The following CEMIP variants were observed in gnomAD, a reference collection of about 807,000 sequenced individuals.
The protein encoded by CEMIP is cell migration-inducing and hyaluronan-binding protein.
Under a neutral mutation model 156.9 loss-of-function variants are expected in CEMIP, and 105 were observed. That is an observed-to-expected ratio of 0.67 (90% CI 0.57 to 0.79). The LOEUF (loss-of-function observed/expected upper bound fraction) is 0.79, where lower values mean the gene tolerates loss of function less well. Among genes scored for constraint, CEMIP ranks in the 30% least tolerant of loss-of-function variants. The probability of loss-of-function intolerance (pLI) is 0.00; values close to 1 mark genes in which losing one functional copy is unlikely to be tolerated. For synonymous variants in CEMIP, 676 were observed against 668.4 expected, an observed-to-expected ratio of 1.01 and a Z score of -0.17; for missense variants, 1,457 against 1,769.4, an observed-to-expected ratio of 0.82 and a Z score of 3.17.
intron 1 of CEMIP, among the ~76,000 whole-genome samples, chr15:80,810,398 C>G (rs185255980): frequency 2.6e-5 from 4 of 152,170 alleles, no homozygotes; most frequent in Non-Finnish European, 5.9e-5. Context: ...GACGGAGTCT[C>G]ACTCTGTCAC....
At chr15:80,852,456 G>A (rs1238573808) in intron 1 of CEMIP, among the ~76,000 whole-genome samples, 1 of 152,006 alleles carries the variant, frequency 6.6e-6, no homozygotes. Flanking sequence ...TATTATTCTA[G>A]GTTGGTGCAA....
At chr15:80,789,880 T>C (rs1896035508) in intron 1 of CEMIP, among the ~76,000 whole-genome samples, 1 of 152,262 alleles carries the variant, frequency 6.6e-6, no homozygotes, top group Non-Finnish European at 1.5e-5. Context: ...AAAAAGATGA[T>C]ACTTCCGTTG....
chr15:80,800,849 A>G (rs549052436), intron 1 of CEMIP, among the ~76,000 whole-genome samples: 2 of 152,354 alleles, frequency 1.3e-5, no homozygotes, highest in South Asian at 2.1e-4. Context: ...AACCTGTTAT[A>G]AAGTAAAACT....
intron 28 of CEMIP, among the ~76,000 whole-genome samples, chr15:80,945,194 C>G (rs1174502372): frequency 6.6e-6 from 1 of 152,204 alleles, no homozygotes; most frequent in Non-Finnish European, 1.5e-5. Context: ...GGAGACTGTG[C>G]TGGCTGGGGC....
chr15:80,875,433 G>A (rs1451969600), intron 3 of CEMIP, among the ~76,000 whole-genome samples: 3 of 152,144 alleles, frequency 2.0e-5, no homozygotes, highest in South Asian at 4.2e-4. Context: ...AACACAAAGC[G>A]AGCATTGACT....
At chr15:80,942,207 C>A (rs1205712235) in intron 26 of CEMIP, 44 bp from the exon 27 acceptor site, 2 of 1,551,224 alleles carry the variant, frequency 1.3e-6, no homozygotes, top group South Asian at 2.2e-5. Context: ...AGGGGAATGA[C>A]TACCCAAACC....
rs1331903590 is a variant in CEMIP, at chr15:80,951,534, A to G, written c.*2610A>G. ...GTCCTTTTTCGGGAGTTAGATGTAT[A>G]GAGTGTTTGTATGTAAACATTTCTT... On this transcript the variant is annotated 3_prime_UTR_variant, in exon 30 of 30. Coordinates refer to ENST00000394685, the MANE Select transcript of CEMIP (RefSeq NM_001293298.2). The G allele has an allele frequency of 6.5e-6, 1 of 152,674 alleles. No individual in the cohort carries two copies. The highest frequency in any genetic ancestry group is 1.5e-5 in the Non-Finnish European group (1 of 68,042). 9.5% of individuals were successfully genotyped at this position (152,674 alleles called of 1,614,324 possible).
intron 7 of CEMIP, among the ~76,000 whole-genome samples, chr15:80,886,533 G>A (rs1439834620): frequency 2.6e-5 from 4 of 152,116 alleles, no homozygotes; most frequent in Non-Finnish European, 5.9e-5. Flanking sequence ...ATAGCTTATA[G>A]TAAGAGAGGG....
chr15:80,948,707 G>C lies in CEMIP; in HGVS notation c.3959-90G>C, dbSNP rs1399620893. On this transcript the variant is annotated intron_variant, in intron 29 of 29. Transcript: ENST00000394685. ...TGGCTAGGCGGTACCTGGTGGGCGT[G>C]GGGGGCTGGCGATGGGGAGCCATGG... 6 of 1,564,542 alleles carry C rather than the reference G, an allele frequency of 3.8e-6. No individual in the cohort carries two copies. In the South Asian group the frequency reaches 5.6e-5, roughly 14 times the overall value.
rs150382614 is a variant in CEMIP, at chr15:80,838,208, C to T, written c.-175-35330C>T. ...ACTCGCAGGGAGCGGAGGGTGGGGA[C>T]GAGTCATTCATAGGGACTCCACACC... On this transcript the variant is annotated intron_variant, in intron 1 of 29. Coordinates refer to ENST00000394685, the MANE Select transcript of CEMIP (RefSeq NM_001293298.2). Among the ~76,000 whole-genome samples, 20 of 152,226 alleles carry T rather than the reference C, an allele frequency of 1.3e-4. No homozygotes were observed. In the East Asian group the frequency reaches 1.9e-3, roughly 15 times the overall value.
intron 19 of CEMIP, 113 bp from the exon 20 acceptor site, chr15:80,928,789 C>A: frequency 7.6e-7 from 1 of 1,324,206 alleles, no homozygotes; most frequent in Non-Finnish European, 1.1e-6. Flanking sequence ...AGACTCCTTC[C>A]TCTGCACGGT....
chr15:80,893,058 G>A (rs1276234144), intron 10 of CEMIP, among the ~76,000 whole-genome samples: 2 of 151,978 alleles, frequency 1.3e-5, no homozygotes, highest in Non-Finnish European at 2.9e-5. Flanking sequence ...GTGGTGGCGG[G>A]CACCTGTAAT....
intron 1 of CEMIP, among the ~76,000 whole-genome samples, chr15:80,843,592 G>T (rs1897479175): frequency 6.6e-6 from 1 of 152,188 alleles, no homozygotes; most frequent in Non-Finnish European, 1.5e-5. Context: ...TAACCATTTT[G>T]CTTTGTGCCA....
chr15:80,791,889 C>T (rs753248768), intron 1 of CEMIP, among the ~76,000 whole-genome samples: 4 of 152,112 alleles, frequency 2.6e-5, no homozygotes, highest in African/African-American at 7.2e-5. Context: ...GTAGTCACCA[C>T]GAAGGATGCA....
At chr15:80,867,507 C>T (rs1898161996) in intron 1 of CEMIP, among the ~76,000 whole-genome samples, 1 of 152,136 alleles carries the variant, frequency 6.6e-6, no homozygotes, top group South Asian at 2.1e-4. Flanking sequence ...CCTGGGATGC[C>T]CTGATCTGCA....
At chr15:80,902,301 C>T (rs1438931202) in intron 12 of CEMIP, among the ~76,000 whole-genome samples, 1 of 152,228 alleles carries the variant, frequency 6.6e-6, no homozygotes, top group Non-Finnish European at 1.5e-5. Context: ...CTCCTCCCCG[C>T]TCACCCAGGT....
At chr15:80,922,325 T>C (rs1900507681) in intron 17 of CEMIP, among the ~76,000 whole-genome samples, 188 bp downstream of exon 17, 1 of 152,126 alleles carries the variant, frequency 6.6e-6, no homozygotes, top group African/African-American at 2.4e-5. Flanking sequence ...TCAACACAAA[T>C]CTCCTGTGGT....
chr15:80,889,732 C>T, intron 10 of CEMIP, 140 bp downstream of exon 10: 3 of 1,070,050 alleles, frequency 2.8e-6, no homozygotes, highest in Non-Finnish European at 4.2e-6. Flanking sequence ...GAGTACCATT[C>T]CCACTTTAGA....
intron 1 of CEMIP, among the ~76,000 whole-genome samples, chr15:80,785,811 T>C (rs1895921836): frequency 6.6e-6 from 1 of 152,150 alleles, no homozygotes; most frequent in South Asian, 2.1e-4. Flanking sequence ...CTGCCTCAGA[T>C]GCATAAGCTC....
Sources: gnomAD v4.1 joint callset for allele counts (sites outside exome capture counted in the v4.1 genomes callset) on GRCh38, gnomAD v4.1.1 for gene constraint, MANE v1.5 for transcripts, NCBI Gene and HGNC (gene_info 2026-07-23, HGNC 2026-07-21) for gene names.